IRX2: variants seen among roughly 807,000 people sequenced by gnomAD.
IRX2 encodes iroquois-class homeodomain protein IRX-2.
In IRX2, 26 loss-of-function variants were observed where a neutral mutation model predicts 42.9. The ratio of observed to expected loss-of-function variants is 0.61; its 90% CI spans 0.44 to 0.84. The LOEUF (loss-of-function observed/expected upper bound fraction) is 0.84. IRX2 is among the 40% of genes least tolerant of loss of function. IRX2 has a pLI of 0.00. For synonymous variants in IRX2, 424 were observed against 353.9 expected, an observed-to-expected ratio of 1.20 and a Z score of -2.22; for missense variants, 782 against 713.9, an observed-to-expected ratio of 1.10 and a Z score of -1.09.
chr5:2,743,747 A>G (rs1737596476), downstream of IRX2, among the ~76,000 whole-genome samples: 1 of 147,984 alleles, frequency 6.8e-6, no homozygotes, highest in Admixed American at 6.6e-5. Flanking sequence ...CTCTCCAGTG[A>G]AAGATATCTC....
At chr5:2,739,689 G>A in the IRX2 span, among the ~76,000 whole-genome samples, 1 of 152,194 alleles carries the variant, frequency 6.6e-6, no homozygotes, top group East Asian at 1.9e-4. Context: ...CGGTTTCCCG[G>A]CGCTCTGCGG....
Position 2,748,558 on chromosome 5 carries a change from A to G in IRX2, c.1150T>C (p.Tyr384His), listed in dbSNP as rs755070943. ...TAGTTGCCGTAGAAGGGCGACGTGT[A>G]GTAGAGGGGGCGGCCCAGCAGCGGC... Reference protein sequence around the residue: ...ASPLLGRPLYYTSPFYGNYTN... With the variant: ...ASPLLGRPLYHTSPFYGNYTN... Residue 384 changes from tyrosine (Y) to histidine (H), a missense_variant, in exon 3 of 4, where the codon TAC (tyrosine) becomes CAC (histidine). Transcript: ENST00000302057. The G allele has an allele frequency of 6.4e-7, 1 of 1,571,202 alleles. No individual in the cohort carries two copies. The highest frequency in any genetic ancestry group is 8.6e-7 in the Non-Finnish European group (1 of 1,160,710).
chr5:2,751,427 CGCGGGG>C lies in IRX2; in HGVS notation c.-20_-15del. 7.9e-7 allele frequency: 1 copy of C among 1,267,060 alleles called. No homozygotes were observed. Among genetic ancestry groups the C allele is most frequent in the South Asian group, 2.1e-5 (1 of 46,908 alleles). 78.5% of individuals were successfully genotyped at this position (1,267,060 alleles called of 1,614,324 possible). A position where few individuals can be genotyped will look rare whatever the true frequency, so the allele number is the denominator to read the frequency against. On this transcript the variant is annotated 5_prime_UTR_variant, in exon 1 of 4. Transcript: ENST00000302057. The surrounding 1 kb of genome is among the most constrained non-coding windows in gnomAD (Gnocchi z 4.0). ...CGGGTAGGACATGGTGGGCGCGGGG[CGCGGGG>C]CCCGCGTCACGCCGAGCAGCGGGCA...
chr5:2,745,745 A>G (rs1320146730), downstream of IRX2: 2 of 152,156 alleles, frequency 1.3e-5, no homozygotes, highest in Non-Finnish European at 2.9e-5. Context: ...TCAGTAATTT[A>G]TTGGTGGGGG....
intron 1 of IRX2, among the ~76,000 whole-genome samples, chr5:2,750,917 G>A (rs1489792893): frequency 6.6e-6 from 1 of 152,034 alleles, no homozygotes; most frequent in African/African-American, 2.4e-5. Flanking sequence ...CAGCCGGCGA[G>A]CCGAGGGGAC....
chr5:2,748,242 TG>T, intron 3 of IRX2, 102 bp downstream of exon 3: 1 of 1,113,326 alleles, frequency 9.0e-7, no homozygotes. Flanking sequence ...AGTGGCCCCC[TG>T]GATCTTCTTC....
At chr5:2,740,746 C>CA in the IRX2 span, among the ~76,000 whole-genome samples, 3 of 152,130 alleles carry the variant, frequency 2.0e-5, no homozygotes, top group Non-Finnish European at 4.4e-5. Context: ...AGAACGCGGG[C>CA]AGGGCACCAG....
downstream of IRX2, among the ~76,000 whole-genome samples, chr5:2,744,362 A>C (rs1737612721): frequency 1.3e-5 from 2 of 152,170 alleles, no homozygotes; most frequent in South Asian, 4.1e-4. Flanking sequence ...GAAGTCTTCC[A>C]ATTACTCTAG....
chr5:2,741,632 C>T (rs999660694), downstream of IRX2, among the ~76,000 whole-genome samples: 5 of 152,114 alleles, frequency 3.3e-5, no homozygotes, highest in South Asian at 2.1e-4. Flanking sequence ...TTGACACTAA[C>T]GATTAATAAT....
Position 2,751,148 on chromosome 5 carries a change from C to T in IRX2, c.249+17G>A, listed in dbSNP as rs1049998207. 2.9e-5 allele frequency: 36 copies of T among 1,237,038 alleles called. No homozygotes were observed. The African/African-American group carries it at 5.0e-4, about 17-fold the overall frequency. 76.6% of individuals were successfully genotyped at this position (1,237,038 alleles called of 1,614,324 possible). A position where few individuals can be genotyped will look rare whatever the true frequency, so the allele number is the denominator to read the frequency against. On this transcript the variant is annotated intron_variant, in intron 1 of 3. Coordinates refer to ENST00000302057, the MANE Select transcript of IRX2 (RefSeq NM_033267.5). The surrounding 1 kb of genome is among the most constrained non-coding windows in gnomAD (Gnocchi z 4.0). ...CCCGGCGCCCAGGAGTCCCGCGTCC[C>T]GCCCGCGCCCGGTTACCATGTAGGA...
chr5:2,736,823 C>T, the IRX2 span: 1 of 152,240 alleles, frequency 6.6e-6, no homozygotes, highest in African/African-American at 2.4e-5. Context: ...ATCTGGTCCT[C>T]TTTTGATATG....
Position 2,747,316 on chromosome 5 carries a change from TATA to T in IRX2, c.*245_*247del, listed in dbSNP as rs1272937642. The T allele has an allele frequency of 3.9e-6, 1 of 254,890 alleles. No homozygotes were observed. The highest frequency in any genetic ancestry group is 5.4e-5 in the Admixed American group (1 of 18,472). The allele number at this position is 254,890 out of a possible 1,614,324, so 15.8% of individuals were successfully genotyped here. A position where few individuals can be genotyped will look rare whatever the true frequency, so the allele number is the denominator to read the frequency against. On this transcript the variant is annotated 3_prime_UTR_variant, in exon 4 of 4. Coordinates refer to ENST00000302057, the MANE Select transcript of IRX2 (RefSeq NM_033267.5). ...ACACACACACACACACATATATATA[TATA>T]TTTTTTTTTTCCTTCCCTAGGTAAA...
At chr5:2,738,962 A>C in the IRX2 span, among the ~76,000 whole-genome samples, 1 of 152,206 alleles carries the variant, frequency 6.6e-6, no homozygotes, top group Admixed American at 6.5e-5. Flanking sequence ...GGGTAGGCCT[A>C]CTGTGGGATG....
chr5:2,747,454 C>A lies in IRX2; in HGVS notation c.*110G>T. The A allele has an allele frequency of 1.2e-6, 1 of 854,118 alleles. No homozygotes were observed. The highest frequency in any genetic ancestry group is 1.9e-6 in the Non-Finnish European group (1 of 518,464). The allele number at this position is 854,118 out of a possible 1,614,324, so 52.9% of individuals were successfully genotyped here. The stretch of plus-strand genomic sequence containing the variant: ...GATTGAAATGCTCTGTCTTCTAACC[C>A]CATGACCAGAAGCAAGAAAAACACA... On this transcript the variant is annotated 3_prime_UTR_variant, in exon 4 of 4. Transcript: ENST00000302057.
downstream of IRX2, among the ~76,000 whole-genome samples, chr5:2,743,937 TG>T (rs1737600189): frequency 2.0e-5 from 3 of 152,000 alleles, no homozygotes; most frequent in Admixed American, 2.0e-4. Flanking sequence ...GGAGACAGAG[TG>T]GGTAAGTTAT....
downstream of IRX2, among the ~76,000 whole-genome samples, chr5:2,743,446 C>A (rs1051406952): frequency 1.3e-5 from 2 of 151,630 alleles, no homozygotes; most frequent in African/African-American, 4.8e-5. Context: ...GAGATTAAAG[C>A]GCGAATTCCG....
At chr5:2,743,970 G>C (rs545965072), downstream of IRX2, among the ~76,000 whole-genome samples, 2 of 152,234 alleles carry the variant, frequency 1.3e-5, no homozygotes, top group South Asian at 4.1e-4. Context: ...ATAATTTGTT[G>C]GGCATATAAA....
chr5:2,748,807 C>G lies in IRX2; in HGVS notation c.901G>C (p.Glu301Gln). The G allele has an allele frequency of 6.9e-7, 1 of 1,450,064 alleles. No homozygotes were observed. The allele number at this position is 1,450,064 out of a possible 1,614,324, so 89.8% of individuals were successfully genotyped here. ...LEAPLLSPPP[E>Q]AAPRGGRKTP... ...TTGCGGCCACCGCGGGGCGCGGCCT[C>G]GGGCGGGGGGCTCAGCAGCGGCGCC... The change falls in exon 3 of 4, where the codon GAG (glutamate) becomes CAG (glutamine). Residue 301 changes from glutamate (E) to glutamine (Q), a missense_variant. Physicochemically the swap from Glu to Gln is conservative, Grantham distance 29. Around this residue, in one of 3 missense-constraint regions of IRX2, gnomAD observed 520 missense variants for 437.8 expected, o/e 1.19. Coordinates refer to ENST00000302057, the MANE Select transcript of IRX2 (RefSeq NM_033267.5).
Position 2,747,338 on chromosome 5 carries a change from A to C in IRX2, c.*226T>G. 4.9e-6 allele frequency: 2 copies of C among 410,898 alleles called. No homozygotes were observed. The highest frequency in any genetic ancestry group is 4.5e-6 in the Non-Finnish European group (1 of 224,654). The allele number at this position is 410,898 out of a possible 1,614,324, so 25.5% of individuals were successfully genotyped here. ...ATATATATTTTTTTTTTCCTTCCCT[A>C]GGTAAAGGAGTGATAGAACTTGTGC... On this transcript the variant is annotated 3_prime_UTR_variant, in exon 4 of 4. Transcript: ENST00000302057.
Sources: allele counts gnomAD v4.1 joint callset (sites outside exome capture counted in the v4.1 genomes callset), GRCh38; gene constraint gnomAD v4.1.1; regional missense constraint gnomAD v4.1.1; non-coding constraint Gnocchi (gnomAD v3.1); transcripts MANE v1.5; gene names NCBI Gene and HGNC (gene_info 2026-07-23, HGNC 2026-07-21).